ISG15: variants seen among roughly 807,000 people sequenced by gnomAD.
ISG15 encodes the protein ubiquitin-like protein ISG15.
In ISG15, 2 loss-of-function variants were observed where a neutral mutation model predicts 2.4. The observed-to-expected ratio is 0.82, with a 90% confidence interval of 0.33 to 2.57. ISG15 has a LOEUF of 2.57. Ranked by LOEUF, ISG15 falls within the 30% of genes most tolerant of loss-of-function variation. The probability of loss-of-function intolerance (pLI) is 0.11; values close to 1 mark genes in which losing one functional copy is unlikely to be tolerated. For synonymous variants in ISG15, 116 were observed against 108.1 expected, an observed-to-expected ratio of 1.07 and a Z score of -0.45; for missense variants, 224 against 228.4, an observed-to-expected ratio of 0.98 and a Z score of 0.13.
intron 1 of ISG15, 85 bp downstream of exon 1, chr1:1,013,661 G>A: frequency 6.9e-7 from 1 of 1,452,082 alleles, no homozygotes; most frequent in Admixed American, 1.7e-5. Flanking sequence ...TCTCCCAGGG[G>A]TGCAGGGAGA....
intron 1 of ISG15, 54 bp downstream of exon 1, chr1:1,013,630 G>A (rs1312654571): frequency 6.2e-6 from 10 of 1,600,626 alleles, no homozygotes; most frequent in African/African-American, 2.7e-5. Context: ...GCCAATTTTC[G>A]TCTCCCTCCC....
Position 1,014,410 on chromosome 1 carries a change from C to A in ISG15, c.430C>A (p.Pro144Thr), listed in dbSNP as rs1474510081. Residue 144 changes from proline to threonine, a missense_variant, in exon 2 of 2, where the codon CCC (proline) becomes ACC (threonine). Physicochemically the swap from Pro to Thr is conservative, Grantham distance 38. Coordinates refer to ENST00000649529, the MANE Select transcript of ISG15 (RefSeq NM_005101.4). ...QLPLGEYGLK[P>T]LSTVFMNLRL... is the part of the protein sequence containing the mutation. The stretch of plus-strand genomic sequence containing the variant: ...CCCGCTGGGGGAGTACGGCCTCAAG[C>A]CCCTGAGCACCGTGTTCATGAATCT... 6.2e-7 allele frequency: 1 copy of A among 1,612,880 alleles called. No homozygotes were observed. Among genetic ancestry groups the A allele is most frequent in the African/African-American group, 1.3e-5 (1 of 74,932 alleles).
At position 1,014,466 on chromosome 1, in the gene ISG15, C is replaced by T. The variant is rs190639525; in HGVS notation, c.486C>T (p.Gly162=). The change falls in exon 2 of 2, where the codon GGC becomes GGT. Residue 162 remains glycine, a synonymous_variant. Coordinates refer to ENST00000649529, the MANE Select transcript of ISG15 (RefSeq NM_005101.4). ...TGCGGGGAGGCGGCACAGAGCCTGG[C>T]GGGCGGAGCTAAGGGCCTCCACCAG... is the stretch of plus-strand genomic sequence containing the variant. ...LRLRGGGTEP[G]GRS 97 of 1,604,568 alleles carry T rather than the reference C, an allele frequency of 6.0e-5. No individual in the cohort carries two copies. Among genetic ancestry groups the T allele is most frequent in the East Asian group, 4.7e-4 (21 of 44,658 alleles).
In ISG15 at chr1:1,014,149, A is replaced by G. The variant is rs1437322828; in HGVS notation, c.169A>G (p.Arg57Gly). The change falls in exon 2 of 2, where the codon AGG becomes GGG. Residue 57 changes from arginine to glycine, a missense_variant. By Grantham distance (125) the Arg-to-Gly change is moderately radical (BLOSUM62 -2). Coordinates refer to ENST00000649529, the MANE Select transcript of ISG15 (RefSeq NM_005101.4). ...CCCGAGCGGTGTGGCGCTGCAGGACAGGGTCCCCCTTGCCAGCCAGGGCCT... is the reference window on the plus strand; with the variant it reads ...CCCGAGCGGTGTGGCGCTGCAGGACGGGGTCCCCCTTGCCAGCCAGGGCCT... Reference protein sequence around the residue: ...VHPSGVALQDRVPLASQGLGP... With the variant: ...VHPSGVALQDGVPLASQGLGP... 12 of 1,612,688 alleles carry G rather than the reference A, an allele frequency of 7.4e-6. No individual in the cohort carries two copies. Among genetic ancestry groups the G allele is most frequent in the Non-Finnish European group, 1.0e-5 (12 of 1,179,340 alleles).
chr1:1,014,182 G>A lies in ISG15; in HGVS notation c.202G>A (p.Gly68Ser), dbSNP rs748078443. The change falls in exon 2 of 2, where the codon GGC (glycine) becomes AGC (serine). Residue 68 changes from glycine (G) to serine (S), a missense_variant. Coordinates refer to ENST00000649529, the MANE Select transcript of ISG15 (RefSeq NM_005101.4). Reference sequence around the variant, plus strand: ...CCTTGCCAGCCAGGGCCTGGGCCCCGGCAGCACGGTCCTGCTGGTGGTGGA... The same window carrying A: ...CCTTGCCAGCCAGGGCCTGGGCCCCAGCAGCACGGTCCTGCTGGTGGTGGA... ...VPLASQGLGP[G>S]STVLLVVDKC... 27 of 1,613,050 alleles carry A rather than the reference G, an allele frequency of 1.7e-5. No individual in the cohort carries two copies. Among genetic ancestry groups the A allele is most frequent in the Non-Finnish European group, 1.7e-5 (20 of 1,179,736 alleles).
Position 1,014,027 on chromosome 1 carries a change from A to G in ISG15, c.47A>G (p.Gln16Arg). The change falls in exon 2 of 2, where the codon CAG becomes CGG. Residue 16 changes from glutamine to arginine, a missense_variant. By Grantham distance (43) the Gln-to-Arg change is conservative. Transcript: ENST00000649529. ...TVKMLAGNEF[Q>R]VSLSSSMSVS... ...AAGATGCTGGCGGGCAACGAATTCC[A>G]GGTGTCCCTGAGCAGCTCCATGTCG... 6.2e-7 allele frequency: 1 copy of G among 1,605,374 alleles called. No homozygotes were observed. Among genetic ancestry groups the G allele is most frequent in the South Asian group, 1.1e-5 (1 of 90,914 alleles).
rs750338976 is a variant in ISG15 at position 1,014,444 on chromosome 1, G to C, written c.464G>C (p.Arg155Pro). 2 of 1,609,402 alleles carry C rather than the reference G, an allele frequency of 1.2e-6. No individual in the cohort carries two copies. Reference protein sequence around the residue: ...LSTVFMNLRLRGGGTEPGGRS With the variant: ...LSTVFMNLRLPGGGTEPGGRS The stretch of plus-strand genomic sequence containing the variant: ...ACCGTGTTCATGAATCTGCGCCTGC[G>C]GGGAGGCGGCACAGAGCCTGGCGGG... The change falls in exon 2 of 2, where the codon CGG (arginine) becomes CCG (proline). Residue 155 changes from arginine (R) to proline (P), a missense_variant. Arg to Pro is a moderately radical substitution (Grantham distance 103). Transcript: ENST00000649529.
rs1219350132 is a variant in ISG15 at position 1,014,074 on chromosome 1, A to G, written c.94A>G (p.Ile32Val). ...SMSVSELKAQ[I>V]TQKIGVHAFQ... ...GTCGGTGTCAGAGCTGAAGGCGCAG[A>G]TCACCCAGAAGATCGGCGTGCACGC... The change falls in exon 2 of 2, where the codon ATC (isoleucine) becomes GTC (valine). Residue 32 changes from isoleucine to valine, a missense_variant. Ile to Val is a conservative substitution (Grantham distance 29). Transcript: ENST00000649529. The G allele has an allele frequency of 1.2e-6, 2 of 1,613,036 alleles. No homozygotes were observed. Among genetic ancestry groups the G allele is most frequent in the Non-Finnish European group, 1.7e-6 (2 of 1,179,640 alleles).
rs1644252259 is a variant in ISG15 at position 1,014,442 on chromosome 1, G to T, written c.462G>T (p.Leu154=). The T allele has an allele frequency of 1.9e-6, 3 of 1,609,398 alleles. No homozygotes were observed. Among genetic ancestry groups the T allele is most frequent in the South Asian group, 1.1e-5 (1 of 91,040 alleles). ...GCACCGTGTTCATGAATCTGCGCCT[G>T]CGGGGAGGCGGCACAGAGCCTGGCG... ...PLSTVFMNLR[L]RGGGTEPGGR... The change falls in exon 2 of 2, where the codon CTG becomes CTT. Residue 154 remains leucine (L), a synonymous_variant. Transcript: ENST00000649529.
chr1:1,014,209 A>G lies in ISG15; in HGVS notation c.229A>G (p.Lys77Glu). 1 of 1,613,538 alleles carries G rather than the reference A, an allele frequency of 6.2e-7. No individual in the cohort carries two copies. Among genetic ancestry groups the G allele is most frequent in the Non-Finnish European group, 8.5e-7 (1 of 1,179,970 alleles). Residue 77 changes from lysine (K) to glutamate (E), a missense_variant, in exon 2 of 2, where the codon AAA becomes GAA. Coordinates refer to ENST00000649529, the MANE Select transcript of ISG15 (RefSeq NM_005101.4). ...CAGCACGGTCCTGCTGGTGGTGGACAAATGCGACGAACCTCTGAGCATCCT... is the reference window on the plus strand; with the variant it reads ...CAGCACGGTCCTGCTGGTGGTGGACGAATGCGACGAACCTCTGAGCATCCT... ...PGSTVLLVVDKCDEPLSILVR... is the reference protein window; with the variant it reads ...PGSTVLLVVDECDEPLSILVR...
At chr1:1,013,748 G>T (rs987051758) in intron 1 of ISG15, among the ~76,000 whole-genome samples, 172 bp downstream of exon 1, 2 of 152,194 alleles carry the variant, frequency 1.3e-5, no homozygotes, top group African/African-American at 4.8e-5. Flanking sequence ...TCAGGGTGGG[G>T]CACAGAGGGG....
chr1:1,013,907 C>T lies in ISG15; in HGVS notation c.4-77C>T, dbSNP rs1644246470. The T allele has an allele frequency of 4.6e-6, 7 of 1,512,040 alleles. 1 individual carries two copies. Among genetic ancestry groups the T allele is most frequent in the Middle Eastern group, 1.9e-4 (1 of 5,330 alleles). The allele number at this position is 1,512,040 out of a possible 1,614,324, so 93.7% of individuals were successfully genotyped here. On this transcript the variant is annotated intron_variant, in intron 1 of 1. Transcript: ENST00000649529. ...AGCACTGTCCCTGGGTACAGGAGCT[C>T]GCCCTGCAGCCAGTGCCTTGTGTGT...
Position 1,014,293 on chromosome 1 carries a change from G to C in ISG15, c.313G>C (p.Ala105Pro). 2.5e-6 allele frequency: 4 copies of C among 1,613,666 alleles called. No homozygotes were observed. The highest frequency in any genetic ancestry group is 3.4e-6 in the Non-Finnish European group (4 of 1,180,006). Residue 105 changes from alanine to proline, a missense_variant, in exon 2 of 2, where the codon GCC becomes CCC. By Grantham distance (27) the Ala-to-Pro change is conservative. Transcript: ENST00000649529. The part of the protein sequence containing the change: ...TYEVRLTQTV[A>P]HLKQQVSGLE... The stretch of plus-strand genomic sequence containing the variant: ...CGAGGTACGGCTGACGCAGACCGTG[G>C]CCCACCTGAAGCAGCAAGTGAGCGG...
rs759876537 is a variant in ISG15, at chr1:1,014,214, C to G, written c.234C>G (p.Cys78Trp). ...GSTVLLVVDK[C>W]DEPLSILVRN... ...CGGTCCTGCTGGTGGTGGACAAATG[C>G]GACGAACCTCTGAGCATCCTGGTGA... Residue 78 changes from cysteine to tryptophan, a missense_variant, in exon 2 of 2, where the codon TGC (cysteine) becomes TGG (tryptophan). Cys to Trp is a radical substitution (Grantham distance 215). Coordinates refer to ENST00000649529, the MANE Select transcript of ISG15 (RefSeq NM_005101.4). The G allele has an allele frequency of 6.2e-7, 1 of 1,613,536 alleles. No individual in the cohort carries two copies. Among genetic ancestry groups the G allele is most frequent in the Non-Finnish European group, 8.5e-7 (1 of 1,179,976 alleles).
intron 1 of ISG15, 82 bp downstream of exon 1, chr1:1,013,658 G>C: frequency 6.8e-7 from 1 of 1,479,006 alleles, no homozygotes; most frequent in Admixed American, 1.7e-5. Flanking sequence ...AGGTCTCCCA[G>C]GGGTGCAGGG....
Position 1,013,532 on chromosome 1 carries a change from A to T in ISG15, c.-42A>T. ...AGGCAGCGAACTCATCTTTGCCAGTACAGGAGCTTGTGCCGTGGCCCACAG... is the reference window on the plus strand; with the variant it reads ...AGGCAGCGAACTCATCTTTGCCAGTTCAGGAGCTTGTGCCGTGGCCCACAG... On this transcript the variant is annotated 5_prime_UTR_variant, in exon 1 of 2. Transcript: ENST00000649529. 6.2e-7 allele frequency: 1 copy of T among 1,611,242 alleles called. No individual in the cohort carries two copies. Among genetic ancestry groups the T allele is most frequent in the Non-Finnish European group, 8.5e-7 (1 of 1,177,880 alleles).
chr1:1,014,158 C>G lies in ISG15; in HGVS notation c.178C>G (p.Leu60Val), dbSNP rs1468062354. The change falls in exon 2 of 2, where the codon CTT (leucine) becomes GTT (valine). Residue 60 changes from leucine (L) to valine (V), a missense_variant. By Grantham distance (32) the Leu-to-Val change is conservative. Transcript: ENST00000649529. ...SGVALQDRVP[L>V]ASQGLGPGST... Reference sequence around the variant, plus strand: ...TGTGGCGCTGCAGGACAGGGTCCCCCTTGCCAGCCAGGGCCTGGGCCCCGG... The same window carrying G: ...TGTGGCGCTGCAGGACAGGGTCCCCGTTGCCAGCCAGGGCCTGGGCCCCGG... The G allele has an allele frequency of 3.1e-6, 5 of 1,612,586 alleles. No individual in the cohort carries two copies. The African/African-American group carries it at 6.7e-5, about 22-fold the overall frequency.
At position 1,014,088 on chromosome 1, in the gene ISG15, C is replaced by T. The variant is rs1126625; in HGVS notation, c.108C>T (p.Ile36=). The T allele has an allele frequency of 4.3e-5, 69 of 1,613,080 alleles. No individual in the cohort carries two copies. The South Asian group carries it at 4.8e-4, about 11-fold the overall frequency. The change falls in exon 2 of 2, where the codon ATC becomes ATT. Residue 36 remains isoleucine, a synonymous_variant. Coordinates refer to ENST00000649529, the MANE Select transcript of ISG15 (RefSeq NM_005101.4). ...TGAAGGCGCAGATCACCCAGAAGAT[C>T]GGCGTGCACGCCTTCCAGCAGCGTC... The part of the protein sequence containing the change: ...SELKAQITQK[I]GVHAFQQRLA...
At chr1:1,013,838 G>A in intron 1 of ISG15, 146 bp from the exon 2 acceptor site, 1 of 1,184,654 alleles carries the variant, frequency 8.4e-7, no homozygotes, top group Non-Finnish European at 1.2e-6. Context: ...TGCCTTCTGT[G>A]CCTGGGGTCC....
Sources: allele counts gnomAD v4.1 joint callset (sites outside exome capture counted in the v4.1 genomes callset), GRCh38; gene constraint gnomAD v4.1.1; transcripts MANE v1.5; gene names NCBI Gene and HGNC (gene_info 2026-07-23, HGNC 2026-07-21).